Variants in OSGIN2 observed in about 807,000 individuals in gnomAD.
The protein encoded by OSGIN2 is oxidative stress-induced growth inhibitor 2.
A neutral mutation model predicts 53.8 loss-of-function variants in OSGIN2; 19 were observed. That is an observed-to-expected ratio of 0.35 (90% CI 0.25 to 0.52). OSGIN2 has a LOEUF of 0.52. Ranked by LOEUF, OSGIN2 falls within the 20% of genes least tolerant of loss-of-function variation. The pLI, the probability that OSGIN2 is intolerant of heterozygous loss-of-function variation, is 0.95. For synonymous variants in OSGIN2, 236 were observed against 236.0 expected (o/e 1.00, Z 0.00); for missense variants, 520 against 662.7 (o/e 0.78, Z 2.36).
rs781254128 is a variant in OSGIN2 at position 89,924,638 on chromosome 8, A to AGAT, written c.766_768dup (p.Asp256dup). 1 of 1,614,022 alleles carries AGAT rather than the reference A, an allele frequency of 6.2e-7. No individual in the cohort carries two copies. The highest frequency in any genetic ancestry group is 1.7e-5 in the Admixed American group (1 of 60,026). Reference sequence around the variant, plus strand: ...CCGTATCAAGACTCTACAGAGATCAAGATGATGATGATATTCAAGACAGAG... The same window carrying AGAT: ...CCGTATCAAGACTCTACAGAGATCAAGATGATGATGATGATATTCAAGACAGAG... On this transcript the variant is annotated inframe_insertion, in exon 6 of 6. Transcript: ENST00000451899.
chr8:89,909,776 T>C (rs547025749), intron 2 of OSGIN2, 55 bp downstream of exon 2: 2 of 1,157,058 alleles, frequency 1.7e-6, no homozygotes, highest in Admixed American at 2.3e-5. Flanking sequence ...TTAATACTTT[T>C]ATAAATCTAC....
rs753091308 is a variant in OSGIN2 at position 89,924,798 on chromosome 8, A to G, written c.916A>G (p.Thr306Ala). ...CTTTGCTGAGAATGTAGCGCTGGCA[A>G]CTGGAACGCTGGATTCTCCTGCCCA... ...CLFAENVALA[T>A]GTLDSPAHLE... Residue 306 changes from threonine (T) to alanine (A), a missense_variant, in exon 6 of 6, where the codon ACT becomes GCT. Physicochemically the swap from Thr to Ala is moderately conservative, Grantham distance 58. Around this residue, in one of 3 missense-constraint regions of OSGIN2, gnomAD observed 239 missense variants for 328.3 expected, o/e 0.73. Transcript: ENST00000451899. The G allele has an allele frequency of 6.2e-7, 1 of 1,614,214 alleles. No homozygotes were observed. Among genetic ancestry groups the G allele is most frequent in the Non-Finnish European group, 8.5e-7 (1 of 1,180,008 alleles).
chr8:89,905,949 A>ATTTATTT (rs1462281049), intron 1 of OSGIN2, among the ~76,000 whole-genome samples: 2 of 152,262 alleles, frequency 1.3e-5, no homozygotes, highest in Non-Finnish European at 2.9e-5. Flanking sequence ...AATAGCATCA[A>ATTTATTT]AAAATGAAAT....
chr8:89,926,587 C>T lies in OSGIN2; in HGVS notation c.*1055C>T, dbSNP rs1308773087. 3 of 152,562 alleles carry T rather than the reference C, an allele frequency of 2.0e-5. No individual in the cohort carries two copies. Among genetic ancestry groups the T allele is most frequent in the East Asian group, 3.9e-4 (2 of 5,176 alleles). The allele number at this position is 152,562 out of a possible 1,614,324, so 9.5% of individuals were successfully genotyped here. On this transcript the variant is annotated 3_prime_UTR_variant, in exon 6 of 6. Transcript: ENST00000451899. Reference sequence around the variant, plus strand: ...TTAGAGATCTCTATTAGTATTCATTCGAGATGACATAGCAGCTCATATCAT... The same window carrying T: ...TTAGAGATCTCTATTAGTATTCATTTGAGATGACATAGCAGCTCATATCAT...
At chr8:89,916,936 C>T (rs1157733339) in intron 4 of OSGIN2, among the ~76,000 whole-genome samples, 1 of 152,128 alleles carries the variant, frequency 6.6e-6, no homozygotes, top group Non-Finnish European at 1.5e-5. Flanking sequence ...TGTAAAAAGC[C>T]CTGTTCCATT....
chr8:89,924,793 T>G lies in OSGIN2; in HGVS notation c.911T>G (p.Leu304Arg). Residue 304 changes from leucine to arginine, a missense_variant, in exon 6 of 6, where the codon CTG becomes CGG. By Grantham distance (102) the Leu-to-Arg change is moderately radical. Coordinates refer to ENST00000451899, the MANE Select transcript of OSGIN2 (RefSeq NM_001126111.3). ...TGCCTCTTTGCTGAGAATGTAGCGC[T>G]GGCAACTGGAACGCTGGATTCTCCT... ...PFCLFAENVALATGTLDSPAH... is the reference protein window; with the variant it reads ...PFCLFAENVARATGTLDSPAH... The G allele has an allele frequency of 6.2e-7, 1 of 1,614,134 alleles. No homozygotes were observed. Among genetic ancestry groups the G allele is most frequent in the Non-Finnish European group, 8.5e-7 (1 of 1,179,956 alleles).
At chr8:89,922,744 T>C (rs899177830) in intron 5 of OSGIN2, among the ~76,000 whole-genome samples, 1 of 152,110 alleles carries the variant, frequency 6.6e-6, no homozygotes, top group African/African-American at 2.4e-5. Flanking sequence ...GATGGTGATA[T>C]GTTCTGAGAA....
At chr8:89,903,356 G>A (rs1808769629) in intron 1 of OSGIN2, among the ~76,000 whole-genome samples, 2 of 152,112 alleles carry the variant, frequency 1.3e-5, no homozygotes, top group South Asian at 4.1e-4. Flanking sequence ...ATCACCTTAT[G>A]GGGAAAGGTT....
intron 1 of OSGIN2, 25 bp downstream of exon 1, chr8:89,902,862 G>C: frequency 7.3e-7 from 1 of 1,366,346 alleles, no homozygotes; most frequent in Non-Finnish European, 9.6e-7. Context: ...GGGGATGGGA[G>C]GGGAGCAGGC....
chr8:89,918,713 C>CT (rs1189810621), intron 4 of OSGIN2, among the ~76,000 whole-genome samples: 1 of 152,188 alleles, frequency 6.6e-6, no homozygotes, highest in Non-Finnish European at 1.5e-5. Flanking sequence ...AACTAACTAT[C>CT]TTTATCATCA....
Position 89,902,769 on chromosome 8 carries a change from T to C in OSGIN2, c.-25T>C, listed in dbSNP as rs767110251. ...GCGGAGGCGGCCACGGCGGCCGCGC[T>C]CGGGCGCCCCTCGCGCAGCGCTCCA... On this transcript the variant is annotated 5_prime_UTR_variant, in exon 1 of 6. Coordinates refer to ENST00000451899, the MANE Select transcript of OSGIN2 (RefSeq NM_001126111.3). 106 of 1,225,386 alleles carry C rather than the reference T, an allele frequency of 8.7e-5. No homozygotes were observed. Among genetic ancestry groups the C allele is most frequent in the Non-Finnish European group, 8.2e-5 (80 of 974,984 alleles). 75.9% of individuals were successfully genotyped at this position (1,225,386 alleles called of 1,614,324 possible). A position where few individuals can be genotyped will look rare whatever the true frequency, so the allele number is the denominator to read the frequency against.
intron 2 of OSGIN2, among the ~76,000 whole-genome samples, chr8:89,913,705 G>C (rs912800866): frequency 2.5e-4 from 38 of 152,140 alleles, no homozygotes; most frequent in African/African-American, 8.9e-4. Flanking sequence ...TTGAAGGAGA[G>C]GGCACCTCAA....
chr8:89,902,898 T>C, intron 1 of OSGIN2, 61 bp downstream of exon 1: 1 of 1,158,994 alleles, frequency 8.6e-7, no homozygotes, highest in South Asian at 2.1e-5. Flanking sequence ...TCGAGCTTTT[T>C]GGCCTGGCCC....
At chr8:89,910,498 G>A (rs1397656783) in intron 2 of OSGIN2, among the ~76,000 whole-genome samples, 1 of 152,110 alleles carries the variant, frequency 6.6e-6, no homozygotes, top group African/African-American at 2.4e-5. Context: ...AAAGTTAGTA[G>A]GAAGGGGAGA....
At position 89,924,714 on chromosome 8, in the gene OSGIN2, A is replaced by G. The variant is rs1809279272; in HGVS notation, c.832A>G (p.Asn278Asp). Residue 278 changes from asparagine to aspartate, a missense_variant, in exon 6 of 6, where the codon AAC becomes GAC. Asn to Asp is a conservative substitution (Grantham distance 23). Transcript: ENST00000451899. ...AGAGAAGTCAAACTTTATCAAGAGA[A>G]ACTGGGAAATTAGGGGTTATCAGCG... ...QIEKSNFIKRNWEIRGYQRIA... is the reference protein window; with the variant it reads ...QIEKSNFIKRDWEIRGYQRIA... 1.2e-6 allele frequency: 2 copies of G among 1,614,044 alleles called. No homozygotes were observed.
At chr8:89,903,190 T>G (rs1348232254) in intron 1 of OSGIN2, among the ~76,000 whole-genome samples, 2 of 152,220 alleles carry the variant, frequency 1.3e-5, no homozygotes, top group Admixed American at 6.5e-5. Context: ...AAAAAATTAT[T>G]TCTTAAAAAG....
rs963098358 is a variant in OSGIN2 at position 89,927,248 on chromosome 8, CCA to C, written c.*1719_*1720del. The C allele has an allele frequency of 2.6e-5, 4 of 151,486 alleles. No individual in the cohort carries two copies. The highest frequency in any genetic ancestry group is 9.7e-5 in the African/African-American group (4 of 41,182). The allele number at this position is 151,486 out of a possible 1,614,324, so 9.4% of individuals were successfully genotyped here. ...TGACATCCCCTTGTGTCTCAAAAGT[CCA>C]CAGTTATTCAAACAATGGCTTTTTT... On this transcript the variant is annotated 3_prime_UTR_variant, in exon 6 of 6. Coordinates refer to ENST00000451899, the MANE Select transcript of OSGIN2 (RefSeq NM_001126111.3).
At chr8:89,921,248 A>G (rs1169244460) in intron 5 of OSGIN2, 77 bp downstream of exon 5, 1 of 802,990 alleles carries the variant, frequency 1.2e-6, no homozygotes, top group Non-Finnish European at 2.1e-6. Flanking sequence ...AATATTTGTG[A>G]TTTTGTCATG....
rs551138859 is a variant in OSGIN2 at position 89,925,224 on chromosome 8, T to A, written c.1342T>A (p.Phe448Ile). Residue 448 changes from phenylalanine to isoleucine, a missense_variant, in exon 6 of 6, where the codon TTT (phenylalanine) becomes ATT (isoleucine). Phe to Ile is a conservative substitution (Grantham distance 21). Coordinates refer to ENST00000451899, the MANE Select transcript of OSGIN2 (RefSeq NM_001126111.3). Reference sequence around the variant, plus strand: ...AAGCGTTTCTGGATTGAAGAAAATATTTAAGCTGTCTGCAGCAGTAGTATT... The same window carrying A: ...AAGCGTTTCTGGATTGAAGAAAATAATTAAGCTGTCTGCAGCAGTAGTATT... ...LQSVSGLKKI[F>I]KLSAAVVLIG... 3.7e-6 allele frequency: 6 copies of A among 1,614,028 alleles called. No individual in the cohort carries two copies. The highest frequency in any genetic ancestry group is 4.2e-6 in the Non-Finnish European group (5 of 1,180,004).
Sources: gnomAD v4.1 joint callset for allele counts (sites outside exome capture counted in the v4.1 genomes callset) on GRCh38, gnomAD v4.1.1 for gene constraint, gnomAD v4.1.1 regional missense constraint, MANE v1.5 for transcripts, NCBI Gene and HGNC (gene_info 2026-07-23, HGNC 2026-07-21) for gene names.